Variants in GALNT13 observed in about 807,000 individuals in gnomAD.
GALNT13 encodes UDP-GalNAc:polypeptide N-acetylgalactosaminyltransferase 13.
A neutral mutation model predicts 64.2 loss-of-function variants in GALNT13; 28 were observed. The observed-to-expected ratio is 0.44, with a 90% CI of 0.32 to 0.60. The LOEUF (loss-of-function observed/expected upper bound fraction) is 0.60. GALNT13 is among the 20% of genes least tolerant of loss of function. The pLI is 0.05. For synonymous variants in GALNT13, 214 were observed against 224.6 expected (o/e 0.95, Z 0.42); for missense variants, 577 against 669.8 (o/e 0.86, Z 1.53).
At chr2:154,354,405 C>CTTTTTTTTTTTTTTTT (rs546187850) in intron 9 of GALNT13, among the ~76,000 whole-genome samples, 1 of 60,360 alleles carries the variant, frequency 1.7e-5, no homozygotes, top group African/African-American at 6.9e-5. Context: ...TGATGTAGTC[C>CTTTTTTTTTTTTTTTT]TTTTTTTTTT....
At chr2:154,326,841 T>C (rs191375911) in intron 9 of GALNT13, among the ~76,000 whole-genome samples, 14 of 152,240 alleles carry the variant, frequency 9.2e-5, no homozygotes, top group Non-Finnish European at 1.8e-4. Flanking sequence ...ACATAAAAAT[T>C]AGTATCAACT....
the GALNT13 span, among the ~76,000 whole-genome samples, chr2:153,800,045 G>GCTCTCTCTGTCTCTCTCTCTCTCTCTCT: frequency 8.4e-6 from 1 of 118,930 alleles, no homozygotes; most frequent in Non-Finnish European, 1.8e-5. Context: ...CATTTAGTTT[G>GCTCTCTCTGTCTCTCTCTCTCTCTCTCT]CTCTCTCTCT....
chr2:154,447,198 T>C (rs1210192908), intron 12 of GALNT13, among the ~76,000 whole-genome samples: 1 of 151,988 alleles, frequency 6.6e-6, no homozygotes, highest in East Asian at 1.9e-4. Context: ...TTCTTTTTAT[T>C]CAGATACTTT....
the GALNT13 span, among the ~76,000 whole-genome samples, chr2:153,646,704 T>C: frequency 1.3e-5 from 2 of 152,118 alleles, no homozygotes; most frequent in East Asian, 3.9e-4. Context: ...TGAGTGAGAA[T>C]ATGCGGTGTT....
intron 7 of GALNT13, among the ~76,000 whole-genome samples, chr2:154,257,231 T>C (rs1424647766): frequency 1.3e-5 from 2 of 152,132 alleles, no homozygotes; most frequent in Non-Finnish European, 2.9e-5. Context: ...ATTTCTCACA[T>C]AGAAGAATGA....
Position 154,136,693 on chromosome 2 carries a change from TATC to T in GALNT13, c.143-3641_143-3639del, listed in dbSNP as rs1291742522. 5.3e-5 allele frequency among the ~76,000 whole-genome samples: 8 copies of T among 152,276 alleles called. No individual in the cohort carries two copies. In the East Asian group the frequency reaches 1.2e-3, roughly 22 times the overall value. ...GAAAGGTATAAAATGATTCTGGTTT[TATC>T]ATATTTCTAAAAGCTTTATAATGTC... On this transcript the variant is annotated intron_variant, in intron 3 of 12. Coordinates refer to ENST00000392825, the MANE Select transcript of GALNT13 (RefSeq NM_052917.4).
At chr2:153,534,744 T>C in the GALNT13 span, among the ~76,000 whole-genome samples, 83,828 of 151,322 alleles carry the variant, frequency 0.55, 25,099 homozygotes, top group East Asian at 0.78. Context: ...CAGGATGAGC[T>C]AGGAAAAGGA....
chr2:154,442,023 T>C (rs1201794716), intron 12 of GALNT13, among the ~76,000 whole-genome samples: 2 of 151,916 alleles, frequency 1.3e-5, no homozygotes, highest in African/African-American at 4.8e-5. Context: ...CTTGATGTTG[T>C]CGAAAAACTG....
chr2:154,059,019 T>C (rs1700040743), intron 3 of GALNT13, among the ~76,000 whole-genome samples: 1 of 151,862 alleles, frequency 6.6e-6, no homozygotes, highest in South Asian at 2.1e-4. Context: ...AGGTGATTAG[T>C]GATTAAATTC....
intron 9 of GALNT13, among the ~76,000 whole-genome samples, chr2:154,340,939 G>A (rs751711166): frequency 2.6e-5 from 4 of 151,802 alleles, no homozygotes; most frequent in East Asian, 1.9e-4. Flanking sequence ...CGCTGCGCAC[G>A]CCTGTATGTG....
chr2:153,374,043 T>C, the GALNT13 span, among the ~76,000 whole-genome samples: 2 of 152,360 alleles, frequency 1.3e-5, no homozygotes, highest in African/African-American at 4.8e-5. Context: ...TTCTTCCTTT[T>C]GGCAGTTGTG....
chr2:154,345,923 T>C (rs1696043111), intron 9 of GALNT13, among the ~76,000 whole-genome samples: 1 of 152,138 alleles, frequency 6.6e-6, no homozygotes, highest in South Asian at 2.1e-4. Flanking sequence ...ATCTTTCCTC[T>C]TTCTACTGCA....
chr2:154,312,462 CCTTA>C (rs1346281083), intron 9 of GALNT13, among the ~76,000 whole-genome samples: 5 of 152,018 alleles, frequency 3.3e-5, no homozygotes, highest in Middle Eastern at 6.3e-3. Flanking sequence ...AATATTTTTG[CCTTA>C]CTTTTATCTA....
the GALNT13 span, among the ~76,000 whole-genome samples, chr2:153,134,146 A>G: frequency 2.6e-5 from 4 of 151,796 alleles, no homozygotes; most frequent in South Asian, 2.1e-4. Flanking sequence ...CGAAAAGACC[A>G]TAAAGGACAG....
At chr2:153,927,211 A>G (rs1690207316) in intron 2 of GALNT13, among the ~76,000 whole-genome samples, 1 of 152,054 alleles carries the variant, frequency 6.6e-6, no homozygotes, top group South Asian at 2.1e-4. Flanking sequence ...TTCTATCTGC[A>G]AAGAAAGAAA....
At chr2:153,995,056 T>G (rs1178145818) in intron 3 of GALNT13, among the ~76,000 whole-genome samples, 1 of 152,006 alleles carries the variant, frequency 6.6e-6, no homozygotes, top group African/African-American at 2.4e-5. Flanking sequence ...TATCACCATT[T>G]TATTAAAGAT....
chr2:154,329,349 C>T (rs189514463), intron 9 of GALNT13, among the ~76,000 whole-genome samples: 53 of 152,260 alleles, frequency 3.5e-4, no homozygotes, highest in Non-Finnish European at 6.5e-4. Context: ...GTGATCTACC[C>T]GCCTCGGCCT....
At chr2:153,599,890 C>T in the GALNT13 span, among the ~76,000 whole-genome samples, 2 of 151,908 alleles carry the variant, frequency 1.3e-5, no homozygotes, top group African/African-American at 4.8e-5. Context: ...TCAGAGCTGA[C>T]ACTAAACCAC....
intron 2 of GALNT13, among the ~76,000 whole-genome samples, chr2:153,924,568 A>G (rs933194313): frequency 9.2e-5 from 14 of 152,164 alleles, no homozygotes; most frequent in Non-Finnish European, 2.1e-4. Flanking sequence ...TCCTTTGGGT[A>G]TATACCCAGT....
Sources: gnomAD v4.1 joint callset for allele counts (sites outside exome capture counted in the v4.1 genomes callset) on GRCh38, gnomAD v4.1.1 for gene constraint, MANE v1.5 for transcripts, NCBI Gene and HGNC (gene_info 2026-07-23, HGNC 2026-07-21) for gene names.